The following SRGAP3 variants were observed in gnomAD, a reference collection of about 807,000 sequenced individuals.
SRGAP3 encodes SLIT-ROBO Rho GTPase activating protein 3.
Under a neutral mutation model 121.1 loss-of-function variants are expected in SRGAP3, and 39 were observed. The ratio of observed to expected loss-of-function variants is 0.32; its 90% CI spans 0.25 to 0.42. SRGAP3 has a LOEUF of 0.42. Among genes scored for constraint, SRGAP3 ranks in the 10% least tolerant of loss-of-function variants. The pLI, the probability that SRGAP3 is intolerant of heterozygous loss-of-function variation, is 1.00. For synonymous variants in SRGAP3, 601 were observed against 570.0 expected, an observed-to-expected ratio of 1.05 and a Z score of -0.77; for missense variants, 1,213 against 1,470.6, an observed-to-expected ratio of 0.82 and a Z score of 2.86.
At chr3:9,198,826 C>T (rs1027387268) in intron 1 of SRGAP3, among the ~76,000 whole-genome samples, 19 of 152,142 alleles carry the variant, frequency 1.2e-4, no homozygotes, top group Non-Finnish European at 2.6e-4. Context: ...CAGGCCCAGG[C>T]ACCAAACAAG....
In SRGAP3 at chr3:9,249,049, C is replaced by A. The variant is rs754427241; in HGVS notation, c.-98G>T. On this transcript the variant is annotated 5_prime_UTR_variant, in exon 1 of 22. Transcript: ENST00000383836. ...GCCCTGGTAATCACACAGCTCTGGT[C>A]GATTTCACAGGTTTAGGGACTAATC... 2.5e-6 allele frequency: 3 copies of A among 1,213,770 alleles called. No homozygotes were observed. The South Asian group carries it at 3.7e-5, about 15-fold the overall frequency. 75.2% of individuals were successfully genotyped at this position (1,213,770 alleles called of 1,614,324 possible).
intron 10 of SRGAP3, among the ~76,000 whole-genome samples, chr3:9,042,102 CAAAAA>C (rs370049198): frequency 3.1e-5 from 3 of 98,176 alleles, no homozygotes; most frequent in Admixed American, 1.1e-4. Context: ...GACGCCATCT[CAAAAA>C]AAAAAAAAAA....
intron 1 of SRGAP3, among the ~76,000 whole-genome samples, chr3:9,163,720 A>G (rs564724537): frequency 6.6e-6 from 1 of 152,330 alleles, no homozygotes; most frequent in Admixed American, 6.5e-5. Flanking sequence ...GGTTGTAGAA[A>G]TAAGGCCTCT....
intron 1 of SRGAP3, among the ~76,000 whole-genome samples, chr3:9,178,548 T>C (rs1951263700): frequency 6.6e-6 from 1 of 152,212 alleles, no homozygotes; most frequent in Non-Finnish European, 1.5e-5. Flanking sequence ...CAGTTTTCAC[T>C]GATAGATCTC....
At chr3:9,313,206 T>C (rs957021768) in intron 3 of SRGAP3, among the ~76,000 whole-genome samples, 1 of 152,184 alleles carries the variant, frequency 6.6e-6, no homozygotes, top group African/African-American at 2.4e-5. Context: ...TGCTGTTGCA[T>C]TCACCTGGAA....
intron 3 of SRGAP3, among the ~76,000 whole-genome samples, chr3:9,104,371 T>C (rs1948331377): frequency 6.6e-6 from 1 of 152,248 alleles, no homozygotes; most frequent in Non-Finnish European, 1.5e-5. Context: ...AATTTTTGTG[T>C]GTGTGCTCAT....
At chr3:9,194,198 TCTTTTAAATC>T (rs1951852282) in intron 1 of SRGAP3, 1 of 152,190 alleles carries the variant, frequency 6.6e-6, no homozygotes, top group African/African-American at 2.4e-5. Flanking sequence ...AGCAAGAGCC[TCTTTTAAATC>T]CTTTTCCAAT....
intron 3 of SRGAP3, among the ~76,000 whole-genome samples, chr3:9,291,481 T>C (rs1289867437): frequency 1.3e-5 from 2 of 152,154 alleles, no homozygotes; most frequent in Non-Finnish European, 2.9e-5. Flanking sequence ...TACATTTTAT[T>C]TGGATACTTT....
intron 3 of SRGAP3, among the ~76,000 whole-genome samples, chr3:9,315,246 C>G (rs1191316685): frequency 6.6e-6 from 1 of 152,212 alleles, no homozygotes; most frequent in Non-Finnish European, 1.5e-5. Context: ...CCCACCCAAC[C>G]TTTTCCCAGA....
chr3:9,276,714 C>T (rs943731440), intron 3 of SRGAP3, among the ~76,000 whole-genome samples: 4 of 152,312 alleles, frequency 2.6e-5, no homozygotes, highest in South Asian at 4.1e-4. Flanking sequence ...CGTAAGCCAC[C>T]GCATCCAGCC....
intron 6 of SRGAP3, 101 bp from the exon 7 acceptor site, chr3:9,058,573 G>T: frequency 7.9e-7 from 1 of 1,259,156 alleles, no homozygotes; most frequent in Non-Finnish European, 1.1e-6. Flanking sequence ...CCTTTCCACA[G>T]CCGAATCTTC....
At chr3:9,336,956 T>C in intron 1 of SRGAP3, among the ~76,000 whole-genome samples, 1 of 152,130 alleles carries the variant, frequency 6.6e-6, no homozygotes, top group Non-Finnish European at 1.5e-5. Flanking sequence ...GGTCTCGAAC[T>C]CCTGGCCTCA....
intron 11 of SRGAP3, 96 bp downstream of exon 11, chr3:9,037,967 T>G (rs377537853): frequency 2.0e-6 from 3 of 1,508,594 alleles, no homozygotes; most frequent in Non-Finnish European, 1.8e-6. Flanking sequence ...GAAGAAGCCA[T>G]CCCTGCTTCT....
At chr3:9,346,046 A>G (rs1004262336) in intron 1 of SRGAP3, among the ~76,000 whole-genome samples, 3 of 152,166 alleles carry the variant, frequency 2.0e-5, no homozygotes, top group Non-Finnish European at 4.4e-5. Context: ...TATTAACTGT[A>G]ATTAAAATTT....
intron 1 of SRGAP3, among the ~76,000 whole-genome samples, chr3:9,163,986 C>CTTTTTTT (rs767652463): frequency 3.6e-5 from 3 of 83,322 alleles, no homozygotes; most frequent in African/African-American, 1.0e-4. Flanking sequence ...AACTACTATT[C>CTTTTTTT]TTTTTTTTTT....
Position 9,032,753 on chromosome 3 carries a change from C to G in SRGAP3, c.1437-1G>C, listed in dbSNP as rs1267921317. On this transcript the variant is annotated splice_acceptor_variant, in intron 11 of 21. Transcript: ENST00000383836. LOFTEE classifies it high-confidence loss of function. ...TGGTTTAGGGGGAAGACAGGGGGGC[C>G]TAGGGGAAAACGGAACAAAAGAAAT... 6.2e-7 allele frequency: 1 copy of G among 1,613,128 alleles called. No individual in the cohort carries two copies.
chr3:8,985,692 G>T lies in SRGAP3; in HGVS notation c.3127C>A (p.Leu1043Met). 6.3e-7 allele frequency: 1 copy of T among 1,597,546 alleles called. No homozygotes were observed. The highest frequency in any genetic ancestry group is 1.3e-5 in the African/African-American group (1 of 74,974). Residue 1043 changes from leucine (L) to methionine (M), a missense_variant, in exon 22 of 22, where the codon CTG becomes ATG. Around this residue, in one of 2 missense-constraint regions of SRGAP3, gnomAD observed 420 missense variants for 437.7 expected, o/e 0.96. Transcript: ENST00000383836. This position sits in a 1 kb window ranked among gnomAD's most constrained non-coding sequence, Gnocchi z 5.1. ...TEMMTTFKPA[L>M]SARLAGAQLR... ...TGGGCGCCAGCCAGGCGGGCGGACA[G>T]GGCTGGCTTGAAGGTGGTCATCATC...
chr3:9,345,201 GA>G (rs1955861308), intron 1 of SRGAP3, among the ~76,000 whole-genome samples: 1 of 152,156 alleles, frequency 6.6e-6, no homozygotes. Flanking sequence ...TTCAAGAACA[GA>G]AAAGCAGGCC....
intron 1 of SRGAP3, among the ~76,000 whole-genome samples, chr3:9,224,034 A>T (rs151044388): frequency 6.6e-6 from 1 of 152,148 alleles, no homozygotes; most frequent in East Asian, 1.9e-4. Flanking sequence ...GGGGCTCTGA[A>T]GGAAAACAGA....
Sources: allele counts gnomAD v4.1 joint callset (sites outside exome capture counted in the v4.1 genomes callset), GRCh38; gene constraint gnomAD v4.1.1; regional missense constraint gnomAD v4.1.1; non-coding constraint Gnocchi (gnomAD v3.1); transcripts MANE v1.5; gene names NCBI Gene and HGNC (gene_info 2026-07-23, HGNC 2026-07-21).